FRMPD4: variants seen among roughly 807,000 people sequenced by gnomAD.
FRMPD4 encodes the protein FERM and PDZ domain containing 4.
In FRMPD4, 22 loss-of-function variants were observed where a neutral mutation model predicts 94.1. That is an observed-to-expected ratio of 0.23 (90% CI 0.17 to 0.33). FRMPD4 has a LOEUF of 0.33. Ranked by LOEUF, FRMPD4 falls within the 10% of genes least tolerant of loss-of-function variation. FRMPD4 has a pLI of 1.00. For synonymous variants in FRMPD4, 631 were observed against 548.6 expected (o/e 1.15, Z -2.10); for missense variants, 1,111 against 1,339.9 (o/e 0.83, Z 2.67).
Position 12,203,796 on chromosome X carries a change from C to G in FRMPD4, c.41+64784C>G, listed in dbSNP as rs374237914. Among the ~76,000 whole-genome samples, 4 of 112,026 alleles carry G rather than the reference C, an allele frequency of 3.6e-5. No individual in the cohort carries two copies. In the East Asian group the frequency reaches 1.1e-3, roughly 31 times the overall value. On this transcript the variant is annotated intron_variant, in intron 1 of 16. Coordinates refer to ENST00000675598, the MANE Select transcript of FRMPD4 (RefSeq NM_001368397.1). ...TTTTTTTCCCCCAGGACAATTTGTA[C>G]TTTCACAAGAACAAAGATTTGATTT... is the stretch of plus-strand genomic sequence containing the variant.
chrX:12,694,690 G>A (rs996123992), intron 9 of FRMPD4, among the ~76,000 whole-genome samples: 2 of 112,059 alleles, frequency 1.8e-5, no homozygotes, highest in Non-Finnish European at 3.8e-5. Flanking sequence ...AGATTCACCA[G>A]TTGTTAACAT....
intron 4 of FRMPD4, among the ~76,000 whole-genome samples, chrX:12,632,566 A>ATGG (rs1380029818): frequency 1.8e-5 from 2 of 112,157 alleles, no homozygotes; most frequent in African/African-American, 6.5e-5. Context: ...CTGTAGATGA[A>ATGG]TGGTTCCCCA....
chrX:12,318,388 G>A (rs1041768138), intron 1 of FRMPD4, among the ~76,000 whole-genome samples: 34 of 111,600 alleles, frequency 3.0e-4, no homozygotes, highest in African/African-American at 1.0e-3. Flanking sequence ...AGCCGAGTGT[G>A]GTGGTGCATG....
At chrX:12,579,473 A>G (rs2058843262) in intron 2 of FRMPD4, among the ~76,000 whole-genome samples, 2 of 111,883 alleles carry the variant, frequency 1.8e-5, no homozygotes, top group African/African-American at 3.3e-5. Flanking sequence ...CTTCCGGGAC[A>G]ATCGGTTTCT....
intron 1 of FRMPD4, among the ~76,000 whole-genome samples, chrX:12,195,973 G>C (rs988738868): frequency 1.1e-4 from 12 of 111,836 alleles, no homozygotes; most frequent in African/African-American, 3.6e-4. Context: ...TGACGGAATG[G>C]ATGTGTCAAT....
At chrX:12,657,829 C>A (rs1004343878) in intron 4 of FRMPD4, among the ~76,000 whole-genome samples, 1 of 112,611 alleles carries the variant, frequency 8.9e-6, no homozygotes, top group African/African-American at 3.2e-5. Context: ...TACTAAACTG[C>A]AGGTTCTTAA....
intron 1 of FRMPD4, among the ~76,000 whole-genome samples, chrX:12,194,278 A>G (rs1474011530): frequency 9.0e-6 from 1 of 111,395 alleles, no homozygotes; most frequent in Non-Finnish European, 1.9e-5. Flanking sequence ...GTGCAGATTT[A>G]GATAACACGT....
chrX:12,040,318 T>G (rs924235225), intron 3 of FRMPD4, among the ~76,000 whole-genome samples: 5 of 106,837 alleles, frequency 4.7e-5, no homozygotes, highest in Admixed American at 1.0e-4. Context: ...TTTTTTTTTT[T>G]GTCTTAAAAT....
At chrX:12,456,893 T>G (rs770738965) in intron 1 of FRMPD4, among the ~76,000 whole-genome samples, 1 of 112,656 alleles carries the variant, frequency 8.9e-6, no homozygotes, top group Non-Finnish European at 1.9e-5. Flanking sequence ...CATCTCTACC[T>G]CATATGTGAG....
intron 4 of FRMPD4, among the ~76,000 whole-genome samples, chrX:12,673,641 G>T (rs1315814630): frequency 8.9e-6 from 1 of 111,921 alleles, no homozygotes; most frequent in Admixed American, 9.5e-5. Flanking sequence ...TTGCACTGTT[G>T]CTCTGTCCAC....
chrX:12,534,585 C>T (rs2058319045), intron 2 of FRMPD4, among the ~76,000 whole-genome samples: 1 of 112,564 alleles, frequency 8.9e-6, no homozygotes, highest in Non-Finnish European at 1.9e-5. Context: ...TGGGAACCTA[C>T]CTCTTACATC....
At chrX:12,538,601 C>T (rs778000112) in intron 2 of FRMPD4, among the ~76,000 whole-genome samples, 30 of 111,597 alleles carry the variant, frequency 2.7e-4, no homozygotes, top group African/African-American at 7.2e-4. Context: ...ACACCCCACA[C>T]GGCCGGGTAC....
At chrX:12,447,227 T>C in intron 1 of FRMPD4, among the ~76,000 whole-genome samples, 1 of 111,812 alleles carries the variant, frequency 8.9e-6, no homozygotes, top group Non-Finnish European at 1.9e-5. Flanking sequence ...CTGTTGATAT[T>C]TGGGGCCAGA....
intron 1 of FRMPD4, among the ~76,000 whole-genome samples, chrX:12,231,050 A>AATATATATATATAT (rs34870506): frequency 1.6e-4 from 5 of 30,554 alleles, no homozygotes; most frequent in African/African-American, 5.3e-4. Flanking sequence ...ATATATATAA[A>AATATATATATATAT]ATATATATAT....
chrX:12,542,107 T>C (rs1244505243), intron 2 of FRMPD4, among the ~76,000 whole-genome samples: 1 of 111,918 alleles, frequency 8.9e-6, no homozygotes, highest in Non-Finnish European at 1.9e-5. Flanking sequence ...TAAGAACTAT[T>C]TATGACAAAC....
intron 1 of FRMPD4, among the ~76,000 whole-genome samples, chrX:12,390,368 C>T (rs904404561): frequency 8.9e-6 from 1 of 112,293 alleles, no homozygotes; most frequent in Non-Finnish European, 1.9e-5. Flanking sequence ...CCAGTTTATA[C>T]CAAATATTTG....
At chrX:12,708,460 C>A (rs1602355936) in intron 13 of FRMPD4, among the ~76,000 whole-genome samples, 1 of 90,278 alleles carries the variant, frequency 1.1e-5, no homozygotes, top group East Asian at 3.2e-4. Flanking sequence ...CAGAGCGAGA[C>A]TCCATCTCAA....
At chrX:12,587,357 C>T (rs1197853079) in intron 2 of FRMPD4, among the ~76,000 whole-genome samples, 1 of 111,655 alleles carries the variant, frequency 9.0e-6, no homozygotes, top group Non-Finnish European at 1.9e-5. Context: ...TAATGTTTTG[C>T]AACCATCATC....
chrX:12,112,855 T>C (rs754629890), intron 3 of FRMPD4, among the ~76,000 whole-genome samples: 65 of 111,417 alleles, frequency 5.8e-4, no homozygotes, highest in African/African-American at 2.1e-3. Flanking sequence ...TTATATGGGT[T>C]GACTCTCTTC....
Sources: gnomAD v4.1 joint callset for allele counts (sites outside exome capture counted in the v4.1 genomes callset) on GRCh38, gnomAD v4.1.1 for gene constraint, MANE v1.5 for transcripts, NCBI Gene and HGNC (gene_info 2026-07-23, HGNC 2026-07-21) for gene names.